The following AGBL4 variants were observed in gnomAD, a reference collection of about 807,000 sequenced individuals.
AGBL4 encodes the protein cytosolic carboxypeptidase 6.
In AGBL4, 58 loss-of-function variants were observed where a neutral mutation model predicts 66.4. That is an observed-to-expected ratio of 0.87 (90% CI 0.71 to 1.09). The LOEUF is 1.09. Among genes scored for constraint, AGBL4 ranks in the 50% least tolerant of loss-of-function variants. The probability of loss-of-function intolerance (pLI) is 0.00; values close to 1 mark genes in which losing one functional copy is unlikely to be tolerated. For missense variants in AGBL4, 579 were observed against 631.0 expected, an observed-to-expected ratio of 0.92 and a Z score of 0.88; for synonymous variants, 234 against 222.9, an observed-to-expected ratio of 1.05 and a Z score of -0.44.
intron 8 of AGBL4, 109 bp downstream of exon 8, chr1:48,653,228 A>T (rs1645960842): frequency 4.7e-6 from 4 of 845,278 alleles, no homozygotes; most frequent in Non-Finnish European, 7.3e-6. Flanking sequence ...TAATGAACTC[A>T]TGGGCAGCCT....
At chr1:49,909,960 A>G (rs1006993396) in intron 1 of AGBL4, among the ~76,000 whole-genome samples, 1 of 152,206 alleles carries the variant, frequency 6.6e-6, no homozygotes, top group East Asian at 1.9e-4. Context: ...GAAGCCTATT[A>G]GATATCCAAG....
At chr1:49,216,017 G>A (rs945724515) in intron 4 of AGBL4, among the ~76,000 whole-genome samples, 8 of 152,032 alleles carry the variant, frequency 5.3e-5, no homozygotes, top group African/African-American at 1.7e-4. Context: ...ACTGACTTCC[G>A]TTACTTTGCC....
chr1:49,019,686 A>C (rs934714010), intron 5 of AGBL4, among the ~76,000 whole-genome samples: 1 of 152,244 alleles, frequency 6.6e-6, no homozygotes, highest in African/African-American at 2.4e-5. Context: ...TTAGAAATGT[A>C]ACATGCTGTT....
chr1:49,643,721 T>C (rs2124417111), intron 3 of AGBL4, among the ~76,000 whole-genome samples: 1 of 151,786 alleles, frequency 6.6e-6, no homozygotes. Context: ...TAGAATTCTA[T>C]ATCCAGTAAA....
chr1:48,977,919 A>G (rs1659469754), intron 5 of AGBL4, among the ~76,000 whole-genome samples: 1 of 152,162 alleles, frequency 6.6e-6, no homozygotes. Context: ...TTCAGAATAT[A>G]AAGTTCAGCA....
intron 5 of AGBL4, among the ~76,000 whole-genome samples, chr1:48,898,446 T>C (rs187314674): frequency 6.6e-6 from 1 of 152,342 alleles, no homozygotes; most frequent in East Asian, 1.9e-4. Context: ...GTCTTAGATT[T>C]AAGCCTTTAA....
chr1:48,523,391 C>T, the AGBL4 span, among the ~76,000 whole-genome samples: 1 of 152,126 alleles, frequency 6.6e-6, no homozygotes, highest in African/African-American at 2.4e-5. Flanking sequence ...CATTCACTTT[C>T]CCTGAAATTC....
chr1:49,512,736 T>C lies in AGBL4; in HGVS notation c.282+184577A>G, dbSNP rs115279718. ...TTACCCAGTCTCATGCATTTCTTTA[T>C]AGCAATGCACAAACAGACTAACACA... On this transcript the variant is annotated intron_variant, in intron 3 of 13. Transcript: ENST00000371839. Among the ~76,000 whole-genome samples, 302 of 151,968 alleles carry C rather than the reference T, an allele frequency of 2.0e-3. 3 individuals are homozygous for C. The highest frequency in any genetic ancestry group is 7.0e-3 in the African/African-American group (289 of 41,532).
rs557012936 is a variant in AGBL4, at chr1:49,409,601, G to A, written c.283-163737C>T. 2.0e-5 allele frequency among the ~76,000 whole-genome samples: 3 copies of A among 152,008 alleles called. No individual in the cohort carries two copies. In the East Asian group the frequency reaches 5.8e-4, roughly 29 times the overall value. ...TCATGGTAAAGCAGAAGTCAGATAG[G>A]GCTTCATTTAAAATCTTACTCTGGC... is the stretch of plus-strand genomic sequence containing the variant. On this transcript the variant is annotated intron_variant, in intron 3 of 13. Transcript: ENST00000371839.
intron 1 of AGBL4, among the ~76,000 whole-genome samples, chr1:49,885,043 C>G (rs17105792): frequency 0.065 from 9,920 of 151,932 alleles, 1,015 homozygotes; most frequent in African/African-American, 0.22. Context: ...ACATTGAAAA[C>G]TACTTCACAC....
chr1:49,470,938 G>A (rs1646730348), intron 3 of AGBL4, among the ~76,000 whole-genome samples: 1 of 151,884 alleles, frequency 6.6e-6, no homozygotes, highest in Non-Finnish European at 1.5e-5. Context: ...TTCCTTCCTG[G>A]GCAAAACCAA....
intron 5 of AGBL4, among the ~76,000 whole-genome samples, chr1:48,926,059 C>T (rs1654531409): frequency 6.6e-6 from 1 of 152,116 alleles, no homozygotes; most frequent in Non-Finnish European, 1.5e-5. Context: ...CCTTTAGAAA[C>T]AGAACAGCAA....
chr1:49,127,997 A>T (rs1043464277), intron 4 of AGBL4, among the ~76,000 whole-genome samples: 2 of 152,108 alleles, frequency 1.3e-5, no homozygotes, highest in African/African-American at 4.8e-5. Flanking sequence ...AAAACAAGTC[A>T]ACAGGAACAA....
Position 49,045,674 on chromosome 1 carries a change from T to C in AGBL4, c.504A>G (p.Pro168=), listed in dbSNP as rs772649152. Residue 168 remains proline (P), a synonymous_variant, in exon 5 of 14, where the codon CCA becomes CCG. Coordinates refer to ENST00000371839, the MANE Select transcript of AGBL4 (RefSeq NM_032785.4). ...AATGTTGGAAGCGAGTGTATGTATATGGGTAGCAGTAAGCAAACTGGTAAA... is the reference window on the plus strand; with the variant it reads ...AATGTTGGAAGCGAGTGTATGTATACGGGTAGCAGTAAGCAAACTGGTAAA... ...EDIYQFAYCY[P]YTYTRFQHYL... is the part of the protein sequence containing the mutation. The C allele has an allele frequency of 3.8e-6, 6 of 1,577,330 alleles. No homozygotes were observed. In the Admixed American group the frequency reaches 9.1e-5, roughly 24 times the overall value.
chr1:49,672,573 A>G (rs1318177406), intron 3 of AGBL4, among the ~76,000 whole-genome samples: 1 of 91,750 alleles, frequency 1.1e-5, no homozygotes, highest in Non-Finnish European at 2.1e-5. Context: ...GTGGAAATCA[A>G]TAATATACAA....
chr1:49,305,990 G>A (rs1427090153), intron 3 of AGBL4, among the ~76,000 whole-genome samples: 3 of 151,958 alleles, frequency 2.0e-5, no homozygotes, highest in African/African-American at 4.8e-5. Context: ...GTGCCTGGCC[G>A]GAATTAATTA....
At chr1:49,089,621 A>G (rs1445403399) in intron 4 of AGBL4, among the ~76,000 whole-genome samples, 1 of 152,142 alleles carries the variant, frequency 6.6e-6, no homozygotes, top group Non-Finnish European at 1.5e-5. Flanking sequence ...CCAACCAGAA[A>G]AAGCCTAGGA....
chr1:50,006,613 T>C (rs1661148873), intron 1 of AGBL4, among the ~76,000 whole-genome samples: 1 of 151,416 alleles, frequency 6.6e-6, no homozygotes, highest in Non-Finnish European at 1.5e-5. Flanking sequence ...AGCAGACTTT[T>C]CAATGGAAAC....
chr1:48,541,629 C>T (rs1285670933), intron 11 of AGBL4, among the ~76,000 whole-genome samples: 3 of 152,032 alleles, frequency 2.0e-5, no homozygotes, highest in Non-Finnish European at 4.4e-5. Context: ...ATTAGTTGGG[C>T]GTTGGGGCGC....
Sources: gnomAD v4.1 joint callset for allele counts (sites outside exome capture counted in the v4.1 genomes callset) on GRCh38, gnomAD v4.1.1 for gene constraint, MANE v1.5 for transcripts, NCBI Gene and HGNC (gene_info 2026-07-23, HGNC 2026-07-21) for gene names.